OPCML: variants seen among roughly 807,000 people sequenced by gnomAD.
OPCML encodes opioid binding protein/cell adhesion molecule like.
In OPCML, 13 loss-of-function variants were observed where a neutral mutation model predicts 37.8. The observed-to-expected ratio is 0.34, with a 90% CI of 0.22 to 0.55. OPCML has a LOEUF of 0.55. Among genes scored for constraint, OPCML ranks in the 20% least tolerant of loss-of-function variants. The pLI, the probability that OPCML is intolerant of heterozygous loss-of-function variation, is 0.91. For missense variants in OPCML, 341 were observed against 435.6 expected (o/e 0.78, Z 1.93); for synonymous variants, 176 against 168.8 (o/e 1.04, Z -0.33).
intron 1 of OPCML, among the ~76,000 whole-genome samples, chr11:133,003,274 T>C (rs1947044087): frequency 6.6e-6 from 1 of 152,188 alleles, no homozygotes; most frequent in African/African-American, 2.4e-5. Context: ...ACTGAGCCCA[T>C]ATCAAGTGCC....
At chr11:132,870,512 A>G (rs991079504) in intron 2 of OPCML, among the ~76,000 whole-genome samples, 2 of 152,094 alleles carry the variant, frequency 1.3e-5, no homozygotes, top group Non-Finnish European at 2.9e-5. Flanking sequence ...AAAAAATAAA[A>G]ATGGCGCCAC....
At chr11:133,176,095 C>A (rs1336722664) in intron 1 of OPCML, among the ~76,000 whole-genome samples, 1 of 152,120 alleles carries the variant, frequency 6.6e-6, no homozygotes, top group Non-Finnish European at 1.5e-5. Flanking sequence ...AAATGGATCT[C>A]CACATAATTC....
chr11:132,618,240 C>G (rs1199340621), intron 3 of OPCML, among the ~76,000 whole-genome samples: 1 of 152,250 alleles, frequency 6.6e-6, no homozygotes, highest in South Asian at 2.1e-4. Flanking sequence ...TTGGAGGGAG[C>G]TATTTATTTT....
chr11:133,204,453 C>A (rs950502801), intron 1 of OPCML, among the ~76,000 whole-genome samples: 4 of 152,156 alleles, frequency 2.6e-5, no homozygotes, highest in Admixed American at 2.6e-4. Flanking sequence ...GTTATGATAT[C>A]TGGGCACCAG....
intron 1 of OPCML, among the ~76,000 whole-genome samples, chr11:133,381,999 C>G (rs1248300566): frequency 6.6e-6 from 1 of 152,234 alleles, no homozygotes; most frequent in African/African-American, 2.4e-5. Context: ...GCCGGAGCAT[C>G]TCAGCCCAGT....
At chr11:133,413,490 A>C (rs938986529) in intron 1 of OPCML, among the ~76,000 whole-genome samples, 2 of 147,222 alleles carry the variant, frequency 1.4e-5, no homozygotes, top group Admixed American at 6.7e-5. Flanking sequence ...ATAAAAAATA[A>C]ATAAATAAAT....
chr11:132,878,708 T>C (rs568394218), intron 2 of OPCML, among the ~76,000 whole-genome samples: 2 of 150,210 alleles, frequency 1.3e-5, no homozygotes, highest in South Asian at 4.2e-4. Flanking sequence ...AGAGAGTGTC[T>C]ATCTGTCTAT....
At chr11:132,781,955 T>TATACATATATATATATATA (rs60644917) in intron 2 of OPCML, among the ~76,000 whole-genome samples, 5 of 43,984 alleles carry the variant, frequency 1.1e-4, no homozygotes, top group Admixed American at 2.5e-4. Flanking sequence ...TATATATATA[T>TATACATATATATATATATA]TTTTTTTTTT....
intron 1 of OPCML, among the ~76,000 whole-genome samples, chr11:133,338,640 G>A (rs1240875445): frequency 1.3e-5 from 2 of 152,200 alleles, no homozygotes; most frequent in African/African-American, 4.8e-5. Flanking sequence ...AAGTCTCTAG[G>A]GCGGGTTGAA....
At chr11:132,911,557 A>T (rs1311930248) in intron 2 of OPCML, among the ~76,000 whole-genome samples, 1 of 152,218 alleles carries the variant, frequency 6.6e-6, no homozygotes, top group African/African-American at 2.4e-5. Flanking sequence ...AGTCAAACAC[A>T]GAGACCAGTG....
At chr11:133,149,097 G>T (rs1592050616) in intron 1 of OPCML, among the ~76,000 whole-genome samples, 1 of 152,168 alleles carries the variant, frequency 6.6e-6, no homozygotes, top group Non-Finnish European at 1.5e-5. Flanking sequence ...AACAGACCCA[G>T]ACAGCCACCT....
At chr11:132,756,792 T>C (rs1231371001) in intron 2 of OPCML, among the ~76,000 whole-genome samples, 1 of 152,196 alleles carries the variant, frequency 6.6e-6, no homozygotes, top group Non-Finnish European at 1.5e-5. Flanking sequence ...TTTTCTTTTT[T>C]TATTATACTT....
intron 1 of OPCML, among the ~76,000 whole-genome samples, chr11:133,182,875 A>G (rs1937901971): frequency 6.6e-6 from 1 of 152,170 alleles, no homozygotes; most frequent in African/African-American, 2.4e-5. Context: ...CAAAGAACAA[A>G]GTCATTCTTC....
chr11:133,516,295 T>C (rs1445865859), intron 1 of OPCML, among the ~76,000 whole-genome samples: 1 of 152,106 alleles, frequency 6.6e-6, no homozygotes, highest in Non-Finnish European at 1.5e-5. Flanking sequence ...CTCCACTGCG[T>C]TCTGTTATGG....
rs77418930 is a variant in OPCML, at chr11:133,484,800, G to T, written c.61+47464C>A. On this transcript the variant is annotated intron_variant, in intron 1 of 7. Coordinates refer to ENST00000524381, the MANE Select transcript of OPCML (RefSeq NM_001012393.5). ...ACTATCAAAGATTTATCAATGATAA[G>T]TTGTTACATTAAAATATAAAGGGAA... 6.2e-4 allele frequency among the ~76,000 whole-genome samples: 94 copies of T among 152,020 alleles called. 1 individual carries two copies. In the East Asian group the frequency reaches 0.015, roughly 24 times the overall value.
chr11:132,518,940 A>C (rs955693222), intron 4 of OPCML, among the ~76,000 whole-genome samples: 2 of 152,184 alleles, frequency 1.3e-5, no homozygotes, highest in Non-Finnish European at 2.9e-5. Flanking sequence ...TTCCAATTTT[A>C]CATTTAAGTT....
At chr11:133,378,936 T>C (rs1944872250) in intron 1 of OPCML, among the ~76,000 whole-genome samples, 1 of 152,048 alleles carries the variant, frequency 6.6e-6, no homozygotes. Context: ...ATTTTATTTT[T>C]GTAGAGACGG....
At chr11:132,771,307 G>A (rs927123504) in intron 2 of OPCML, among the ~76,000 whole-genome samples, 2 of 152,074 alleles carry the variant, frequency 1.3e-5, no homozygotes, top group Admixed American at 1.3e-4. Context: ...TTTCTTGCAC[G>A]ATGGGGATTC....
chr11:132,425,431 A>G (rs2095974792), intron 7 of OPCML, among the ~76,000 whole-genome samples: 1 of 152,230 alleles, frequency 6.6e-6, no homozygotes, highest in Admixed American at 6.5e-5. Context: ...ATCCAATAGC[A>G]GGAAGACTTT....
Sources: allele counts gnomAD v4.1 joint callset (sites outside exome capture counted in the v4.1 genomes callset), GRCh38; gene constraint gnomAD v4.1.1; transcripts MANE v1.5; gene names NCBI Gene and HGNC (gene_info 2026-07-23, HGNC 2026-07-21).